CEP192: variants seen among roughly 807,000 people sequenced by gnomAD.
The protein encoded by CEP192 is centrosomal protein of 192 kDa.
A neutral mutation model predicts 271.8 loss-of-function variants in CEP192; 151 were observed. That is an observed-to-expected ratio of 0.56 (90% CI 0.49 to 0.64). CEP192 has a LOEUF of 0.64. Ranked by LOEUF, CEP192 falls within the 30% of genes least tolerant of loss-of-function variation. CEP192 has a pLI of 0.00. For synonymous variants in CEP192, 995 were observed against 1,076.5 expected, an observed-to-expected ratio of 0.92 and a Z score of 1.48; for missense variants, 2,910 against 3,020.5, an observed-to-expected ratio of 0.96 and a Z score of 0.86.
At chr18:13,068,720 T>C in intron 24 of CEP192, 132 bp from the exon 25 acceptor site, 1 of 855,932 alleles carries the variant, frequency 1.2e-6, no homozygotes, top group Non-Finnish European at 1.8e-6. Context: ...ATTTCTATTC[T>C]TTTAACTCTT....
intron 11 of CEP192, among the ~76,000 whole-genome samples, chr18:13,030,848 C>T (rs573976377): frequency 6.6e-6 from 1 of 152,084 alleles, no homozygotes; most frequent in Non-Finnish European, 1.5e-5. Flanking sequence ...TGTATACTAC[C>T]GTGTAGACCC....
rs1403711801 is a variant in CEP192 at position 13,017,085 on chromosome 18, T to C, written c.641-103T>C. The C allele has an allele frequency of 3.7e-6, 3 of 818,064 alleles. No homozygotes were observed. The African/African-American group carries it at 5.2e-5, about 14-fold the overall frequency. 50.7% of individuals were successfully genotyped at this position (818,064 alleles called of 1,614,324 possible). A position where few individuals can be genotyped will look rare whatever the true frequency, so the allele number is the denominator to read the frequency against. ...TCAAACAAAAAAGACACCAAAATCT[T>C]AGTCCATTGACTCATTTATGTCTTA... is the stretch of plus-strand genomic sequence containing the variant. On this transcript the variant is annotated intron_variant, in intron 6 of 44. Transcript: ENST00000506447.
chr18:13,108,388 C>G (rs772665806), intron 40 of CEP192, among the ~76,000 whole-genome samples: 1 of 152,088 alleles, frequency 6.6e-6, no homozygotes, highest in Non-Finnish European at 1.5e-5. Context: ...GAGGAGAAAA[C>G]ATTCACAAAC....
intron 40 of CEP192, among the ~76,000 whole-genome samples, chr18:13,110,211 T>A (rs1217810690): frequency 6.6e-6 from 1 of 152,234 alleles, no homozygotes; most frequent in Non-Finnish European, 1.5e-5. Flanking sequence ...GGTTTTGTTT[T>A]AAAATTGAAA....
intron 44 of CEP192, 133 bp from the exon 45 acceptor site, chr18:13,124,498 TC>T (rs1409340833): frequency 1.4e-5 from 10 of 715,270 alleles, no homozygotes; most frequent in Admixed American, 6.6e-5. Context: ...ATCCAAGAAA[TC>T]ATAAATACAT....
At position 13,087,140 on chromosome 18, in the gene CEP192, T is replaced by G. The variant is rs111852193; in HGVS notation, c.5740T>G (p.Ser1914Ala). The change falls in exon 31 of 45, where the codon TCT becomes GCT. Residue 1914 changes from serine (S) to alanine (A), a missense_variant. Ser to Ala is a moderately conservative substitution (Grantham distance 99, BLOSUM62 1). Transcript: ENST00000506447. ...TGGCAAAGAAAGTAAAATTGTTTTT[T>G]CTGTCCGCAACACTGGCTCCCGAGC... Reference protein sequence around the residue: ...VPGKESKIVFSVRNTGSRAAF... With the variant: ...VPGKESKIVFAVRNTGSRAAF... The G allele has an allele frequency of 1.9e-6, 3 of 1,614,190 alleles. No homozygotes were observed. The highest frequency in any genetic ancestry group is 1.7e-4 in the Middle Eastern group (1 of 6,058).
chr18:12,997,145 G>T (rs1294668731), intron 1 of CEP192, among the ~76,000 whole-genome samples: 2 of 152,166 alleles, frequency 1.3e-5, no homozygotes, highest in Non-Finnish European at 2.9e-5. Flanking sequence ...TGCAGTGAGG[G>T]GTTGGGATCG....
In CEP192 at chr18:13,008,606, G is replaced by A. The variant is rs1422587505; in HGVS notation, c.441G>A (p.Arg147=). The A allele has an allele frequency of 1.3e-6, 2 of 1,550,528 alleles. No individual in the cohort carries two copies. Among genetic ancestry groups the A allele is most frequent in the East Asian group, 2.4e-5 (1 of 40,934 alleles). Residue 147 remains arginine (R), a synonymous_variant, in exon 4 of 45, where the codon AGG becomes AGA. Coordinates refer to ENST00000506447, the MANE Select transcript of CEP192 (RefSeq NM_032142.4). ...TGCAGGGCCAAGATCTCTTCAACAG[G>A]GCTTCACCACTGGAACAAGCACAAG... ...ESLQGQDLFN[R]ASPLEQAQDS... is the part of the protein sequence containing the mutation.
In CEP192 at chr18:13,040,875, A is replaced by G. The variant is rs776441750; in HGVS notation, c.1855A>G (p.Ile619Val). The G allele has an allele frequency of 4.4e-6, 7 of 1,604,264 alleles. No homozygotes were observed. The highest frequency in any genetic ancestry group is 1.3e-5 in the African/African-American group (1 of 74,706). The change falls in exon 14 of 45, where the codon ATT (isoleucine) becomes GTT (valine). Residue 619 changes from isoleucine (I) to valine (V), a missense_variant. Transcript: ENST00000506447. ...FIRSPEKREPIALIRKSDVSR... is the reference protein window; with the variant it reads ...FIRSPEKREPVALIRKSDVSR... Reference sequence around the variant, plus strand: ...TAGATCACCAGAGAAGAGAGAACCTATTGCCTTAATAAGAAAATCTGATGT... The same window carrying G: ...TAGATCACCAGAGAAGAGAGAACCTGTTGCCTTAATAAGAAAATCTGATGT...
chr18:13,052,570 G>A (rs2036854808), intron 17 of CEP192, among the ~76,000 whole-genome samples: 1 of 152,044 alleles, frequency 6.6e-6, no homozygotes, highest in South Asian at 2.1e-4. Context: ...GCACTTATCT[G>A]CATGATTTTT....
Position 13,017,255 on chromosome 18 carries a change from T to C in CEP192, c.708T>C (p.Ile236=). The C allele has an allele frequency of 6.5e-7, 1 of 1,549,970 alleles. No homozygotes were observed. Among genetic ancestry groups the C allele is most frequent in the Non-Finnish European group, 8.7e-7 (1 of 1,145,972 alleles). Reference sequence around the variant, plus strand: ...AGGCTTATTTTGAACAACTGGCAATTCCAGGAATGATATATGAAGACCTAG... The same window carrying C: ...AGGCTTATTTTGAACAACTGGCAATCCCAGGAATGATATATGAAGACCTAG... The part of the protein sequence containing the change: ...HLEAYFEQLA[I]PGMIYEDLEG... Residue 236 remains isoleucine (I), a synonymous_variant, in exon 7 of 45, where the codon ATT becomes ATC. Coordinates refer to ENST00000506447, the MANE Select transcript of CEP192 (RefSeq NM_032142.4).
chr18:13,081,362 T>C (rs2038596554), intron 30 of CEP192, among the ~76,000 whole-genome samples: 1 of 152,230 alleles, frequency 6.6e-6, no homozygotes. Context: ...GGTTTAGTCT[T>C]GGGAGGATGT....
chr18:13,122,450 A>G (rs960831235), intron 44 of CEP192, among the ~76,000 whole-genome samples: 5 of 151,968 alleles, frequency 3.3e-5, no homozygotes, highest in African/African-American at 9.7e-5. Context: ...GCCTGGTGGC[A>G]TATGCCTGTA....
chr18:13,009,757 C>T (rs547115738), intron 4 of CEP192, among the ~76,000 whole-genome samples: 80 of 152,230 alleles, frequency 5.3e-4, no homozygotes, highest in African/African-American at 1.7e-3. Flanking sequence ...CGCTTGAACC[C>T]GGGAGGCGGA....
At chr18:13,020,060 C>T (rs932949533) in intron 9 of CEP192, among the ~76,000 whole-genome samples, 3 of 152,172 alleles carry the variant, frequency 2.0e-5, no homozygotes, top group Admixed American at 6.5e-5. Context: ...ATCTGCCCAC[C>T]TTGACTTCCC....
intron 3 of CEP192, among the ~76,000 whole-genome samples, 176 bp downstream of exon 3, chr18:13,001,758 C>CAATA (rs1284317850): frequency 6.6e-6 from 1 of 152,204 alleles, no homozygotes; most frequent in Non-Finnish European, 1.5e-5. Flanking sequence ...GGCTATAGTG[C>CAATA]AATGGTGTGA....
In CEP192 at chr18:13,030,414, A is replaced by G. The variant is rs1568306103; in HGVS notation, c.1391-51A>G. On this transcript the variant is annotated intron_variant, in intron 10 of 44. Coordinates refer to ENST00000506447, the MANE Select transcript of CEP192 (RefSeq NM_032142.4). Reference sequence around the variant, plus strand: ...TAAAAAAAATTGAGAATGTTTTGTCATTTTAGTTGTTACATGTGTCATTTG... The same window carrying G: ...TAAAAAAAATTGAGAATGTTTTGTCGTTTTAGTTGTTACATGTGTCATTTG... 4 of 1,436,020 alleles carry G rather than the reference A, an allele frequency of 2.8e-6. No homozygotes were observed. The East Asian group carries it at 9.9e-5, about 36-fold the overall frequency. 89.0% of individuals were successfully genotyped at this position (1,436,020 alleles called of 1,614,324 possible).
At chr18:13,009,163 G>A (rs2034181206) in intron 4 of CEP192, among the ~76,000 whole-genome samples, 1 of 152,048 alleles carries the variant, frequency 6.6e-6, no homozygotes, top group Non-Finnish European at 1.5e-5. Context: ...TGGCTTCGAT[G>A]TATTCATCTT....
At chr18:13,061,208 A>G (rs2037391029) in intron 21 of CEP192, among the ~76,000 whole-genome samples, 1 of 152,216 alleles carries the variant, frequency 6.6e-6, no homozygotes, top group Admixed American at 6.5e-5. Context: ...CTGTAATCCC[A>G]GCTACTCAGG....
Sources: gnomAD v4.1 joint callset for allele counts (sites outside exome capture counted in the v4.1 genomes callset) on GRCh38, gnomAD v4.1.1 for gene constraint, MANE v1.5 for transcripts, NCBI Gene and HGNC (gene_info 2026-07-23, HGNC 2026-07-21) for gene names.